The following RAD51B variants were observed in gnomAD, a reference collection of about 807,000 sequenced individuals.
The protein encoded by RAD51B is DNA repair protein RAD51 homolog 2.
In RAD51B, 38 loss-of-function variants were observed where a neutral mutation model predicts 42.2. The observed-to-expected ratio is 0.90, with a 90% CI of 0.70 to 1.18. The LOEUF (loss-of-function observed/expected upper bound fraction) is 1.18, where lower values mean the gene tolerates loss of function less well. Among genes scored for constraint, RAD51B ranks in the 50% most tolerant of loss-of-function variants. RAD51B has a pLI of 0.00. For synonymous variants in RAD51B, 154 were observed against 145.2 expected (o/e 1.06, Z -0.43); for missense variants, 373 against 400.7 (o/e 0.93, Z 0.59).
intron 7 of RAD51B, among the ~76,000 whole-genome samples, chr14:68,208,822 C>A (rs2079646272): frequency 6.6e-6 from 1 of 152,132 alleles, no homozygotes; most frequent in Admixed American, 6.5e-5. Context: ...ATATATTATA[C>A]CCTAGTGGAT....
At chr14:68,495,701 A>G (rs1019994634) in intron 10 of RAD51B, among the ~76,000 whole-genome samples, 3 of 152,316 alleles carry the variant, frequency 2.0e-5, no homozygotes, top group African/African-American at 7.2e-5. Context: ...CAAGGGAACC[A>G]GGAGAATCAA....
chr14:67,962,871 G>A (rs2074698377), intron 7 of RAD51B, among the ~76,000 whole-genome samples: 1 of 152,096 alleles, frequency 6.6e-6, no homozygotes, highest in Admixed American at 6.5e-5. Context: ...ATAAAAATTG[G>A]AAGGTAGGTA....
intron 7 of RAD51B, among the ~76,000 whole-genome samples, chr14:67,952,487 T>C (rs1419074367): frequency 1.3e-5 from 2 of 152,300 alleles, no homozygotes; most frequent in East Asian, 1.9e-4. Flanking sequence ...TAACATATCA[T>C]TGCAATAGAT....
chr14:68,330,961 A>G (rs1369354436), intron 8 of RAD51B, among the ~76,000 whole-genome samples: 1 of 152,192 alleles, frequency 6.6e-6, no homozygotes, highest in Non-Finnish European at 1.5e-5. Flanking sequence ...CTTAATTGGC[A>G]TAATTTTGGA....
rs571874581 is a variant in RAD51B at position 68,548,371 on chromosome 14, C to T, written c.1037-46114C>T. Among the ~76,000 whole-genome samples the T allele has an allele frequency of 5.3e-5, 8 of 152,318 alleles. No individual in the cohort carries two copies. In the East Asian group the frequency reaches 7.7e-4, roughly 15 times the overall value. On this transcript the variant is annotated intron_variant, in intron 10 of 10. Coordinates refer to the RAD51B transcript ENST00000487270. Reference sequence around the variant, plus strand: ...ACCCCGGCTCCCACTCAGGCTCGTGCGTCACTGCTATTCATCTTGTTTAGT... The same window carrying T: ...ACCCCGGCTCCCACTCAGGCTCGTGTGTCACTGCTATTCATCTTGTTTAGT...
At chr14:68,040,538 G>T (rs1037150841) in intron 7 of RAD51B, among the ~76,000 whole-genome samples, 1 of 152,244 alleles carries the variant, frequency 6.6e-6, no homozygotes, top group Non-Finnish European at 1.5e-5. Flanking sequence ...ACCACCAATG[G>T]TATGTCTATT....
rs576244967 is a variant in RAD51B, at chr14:68,587,015, ACT to A, written c.1037-7467_1037-7466del. On this transcript the variant is annotated intron_variant, in intron 10 of 10. Transcript: ENST00000487270. The stretch of plus-strand genomic sequence containing the variant: ...TTGTACTCCAGCCAACAAGAGCAAA[ACT>A]CTGTCTCAAAAAAAAAAAAAATTGG... Among the ~76,000 whole-genome samples the A allele has an allele frequency of 9.9e-4, 147 of 148,622 alleles. No homozygotes were observed. In the Middle Eastern group the frequency reaches 0.01, roughly 10 times the overall value.
chr14:68,550,183 T>G (rs928435366), intron 10 of RAD51B, among the ~76,000 whole-genome samples: 4 of 152,168 alleles, frequency 2.6e-5, no homozygotes, highest in Non-Finnish European at 5.9e-5. Flanking sequence ...CACCACACAC[T>G]TGGATTTGTT....
At chr14:68,607,589 C>A (rs1261448866) in intron 10 of RAD51B, among the ~76,000 whole-genome samples, 2 of 152,182 alleles carry the variant, frequency 1.3e-5, no homozygotes, top group Non-Finnish European at 2.9e-5. Flanking sequence ...GCAGTTCTGG[C>A]CCTTTTGTTT....
intron 7 of RAD51B, among the ~76,000 whole-genome samples, chr14:68,263,197 C>T (rs969419880): frequency 1.3e-5 from 2 of 152,224 alleles, no homozygotes; most frequent in Non-Finnish European, 2.9e-5. Context: ...ACAACTTATG[C>T]AGATGACCTG....
rs200960044 is a variant in RAD51B, at chr14:68,354,256, TGCCA to T, written c.854-57166_854-57163del. On this transcript the variant is annotated intron_variant, in intron 8 of 10. Transcript: ENST00000471583. ...TTTTTGAGATGGAGTCTCGCTCTGTTGCCAGTCTGGAGTGCAAGGGCACGATTTC... is the reference window on the plus strand; with the variant it reads ...TTTTTGAGATGGAGTCTCGCTCTGTTGTCTGGAGTGCAAGGGCACGATTTC... Among the ~76,000 whole-genome samples the T allele has an allele frequency of 7.2e-3, 1,068 of 148,098 alleles. 10 individuals carry two copies. The highest frequency in any genetic ancestry group is 0.026 in the African/African-American group (1,036 of 40,174).
Position 68,562,818 on chromosome 14 carries a change from G to A in RAD51B, c.1037-31667G>A, listed in dbSNP as rs942997394. Reference sequence around the variant, plus strand: ...GTATGGTACAGACATCACAAGGTAAGTATTCCAAGGCCAGAGAAGTGAAAA... The same window carrying A: ...GTATGGTACAGACATCACAAGGTAAATATTCCAAGGCCAGAGAAGTGAAAA... On this transcript the variant is annotated intron_variant, in intron 10 of 10. Coordinates refer to the RAD51B transcript ENST00000487270. 1.0e-5 allele frequency: 10 copies of A among 985,442 alleles called. No homozygotes were observed. In the African/African-American group the frequency reaches 1.6e-4, roughly 15 times the overall value. The allele number at this position is 985,442 out of a possible 1,614,324, so 61.0% of individuals were successfully genotyped here. A position where few individuals can be genotyped will look rare whatever the true frequency, so the allele number is the denominator to read the frequency against.
At chr14:67,874,602 G>T in intron 5 of RAD51B, among the ~76,000 whole-genome samples, 1 of 152,056 alleles carries the variant, frequency 6.6e-6, no homozygotes, top group East Asian at 1.9e-4. Flanking sequence ...GGGGAGAGGG[G>T]AATGCTATTC....
At chr14:68,563,479 C>T (rs1345847953) in intron 10 of RAD51B, 2 of 985,342 alleles carry the variant, frequency 2.0e-6, no homozygotes, top group African/African-American at 3.5e-5. Flanking sequence ...TGAAAATATG[C>T]AGGCTGGGGC....
At chr14:68,303,100 A>G (rs371519281) in intron 8 of RAD51B, among the ~76,000 whole-genome samples, 77 of 152,350 alleles carry the variant, frequency 5.1e-4, no homozygotes, top group Middle Eastern at 3.4e-3. Flanking sequence ...GGAAGTATAA[A>G]GAAAATGTGG....
chr14:68,586,820 C>T lies in RAD51B; in HGVS notation c.1037-7665C>T, dbSNP rs200213941. On this transcript the variant is annotated intron_variant, in intron 10 of 10. Transcript: ENST00000487270. ...AGGAGTTTGAGACCAGCCTGGCTAACATGGTGAAACCCCATCTCCACTAAA... is the reference window on the plus strand; with the variant it reads ...AGGAGTTTGAGACCAGCCTGGCTAATATGGTGAAACCCCATCTCCACTAAA... Among the ~76,000 whole-genome samples, 8 of 152,238 alleles carry T rather than the reference C, an allele frequency of 5.3e-5. No homozygotes were observed. The East Asian group carries it at 1.5e-3, about 29-fold the overall frequency.
intron 9 of RAD51B, among the ~76,000 whole-genome samples, chr14:68,446,038 A>G (rs949604217): frequency 6.6e-6 from 1 of 152,148 alleles, no homozygotes; most frequent in Non-Finnish European, 1.5e-5. Context: ...TTTCCTACCC[A>G]TTTCTACTGT....
chr14:68,227,727 CACTT>C (rs2080067577), intron 7 of RAD51B, among the ~76,000 whole-genome samples: 1 of 152,098 alleles, frequency 6.6e-6, no homozygotes, highest in South Asian at 2.1e-4. Flanking sequence ...AGTGTACAGA[CACTT>C]ACATATTCAG....
At chr14:68,234,536 A>G (rs543896505) in intron 7 of RAD51B, among the ~76,000 whole-genome samples, 1 of 152,214 alleles carries the variant, frequency 6.6e-6, no homozygotes, top group Non-Finnish European at 1.5e-5. Context: ...ACAGCCTGTT[A>G]TTCCTGGGCA....
Sources: allele counts gnomAD v4.1 joint callset (sites outside exome capture counted in the v4.1 genomes callset), GRCh38; gene constraint gnomAD v4.1.1; transcripts MANE v1.5; gene names NCBI Gene and HGNC (gene_info 2026-07-23, HGNC 2026-07-21).